RETREG1: variants seen among roughly 807,000 people sequenced by gnomAD.
RETREG1 encodes reticulophagy regulator 1, also known as family with sequence similarity 134 member B.
RETREG1 carries 44 observed loss-of-function variants against 54.8 expected under a neutral mutation model. That is an observed-to-expected ratio of 0.80 (90% CI 0.63 to 1.03). The LOEUF is 1.03. Ranked by LOEUF, RETREG1 falls within the 50% of genes least tolerant of loss-of-function variation. The probability of loss-of-function intolerance (pLI) is 0.00; values close to 1 mark genes in which losing one functional copy is unlikely to be tolerated. For missense variants in RETREG1, 554 were observed against 605.1 expected, an observed-to-expected ratio of 0.92 and a Z score of 0.89; for synonymous variants, 217 against 238.5, an observed-to-expected ratio of 0.91 and a Z score of 0.83.
chr5:16,478,743 T>C, intron 6 of RETREG1, 107 bp downstream of exon 6: 1 of 1,038,752 alleles, frequency 9.6e-7, no homozygotes, highest in Non-Finnish European at 1.5e-6. Flanking sequence ...TATAATAATA[T>C]TTAGTAAAAA....
intron 8 of RETREG1, among the ~76,000 whole-genome samples, chr5:16,476,272 C>A (rs1338339116): frequency 2.6e-5 from 4 of 152,134 alleles, no homozygotes; most frequent in African/African-American, 9.7e-5. Context: ...CAGCCTCCCT[C>A]CCTCCTTCCT....
chr5:16,504,632 G>A (rs917067433), intron 3 of RETREG1, among the ~76,000 whole-genome samples: 2 of 152,024 alleles, frequency 1.3e-5, no homozygotes, highest in African/African-American at 4.8e-5. Context: ...CCGGGGTATC[G>A]CCAGCACATA....
At chr5:16,558,654 C>T (rs1196966911) in intron 3 of RETREG1, among the ~76,000 whole-genome samples, 1 of 152,146 alleles carries the variant, frequency 6.6e-6, no homozygotes, top group Non-Finnish European at 1.5e-5. Context: ...GGTCCAGGTA[C>T]AAGATTATAA....
chr5:16,518,396 G>A (rs558413472), intron 3 of RETREG1, among the ~76,000 whole-genome samples: 61 of 151,494 alleles, frequency 4.0e-4, no homozygotes, highest in African/African-American at 1.4e-3. Context: ...AGGGAAGGGA[G>A]GAGAGGAGAA....
chr5:16,473,399 ATAAT>A lies in RETREG1; in HGVS notation c.*1338_*1341del, dbSNP rs1415284158. The A allele has an allele frequency of 6.6e-6, 1 of 152,622 alleles. No individual in the cohort carries two copies. 9.5% of individuals were successfully genotyped at this position (152,622 alleles called of 1,614,324 possible). A position where few individuals can be genotyped will look rare whatever the true frequency, so the allele number is the denominator to read the frequency against. On this transcript the variant is annotated 3_prime_UTR_variant, in exon 9 of 9. Transcript: ENST00000306320. ...GCTACATTAAAATGTCAGATTACTT[ATAAT>A]TAGTCTTTAGAAATATAAGGGATAA...
rs759722771 is a variant in RETREG1, at chr5:16,506,480, T to TG, written c.459-23009_459-23008insC. 3.6e-5 allele frequency among the ~76,000 whole-genome samples: 3 copies of TG among 84,152 alleles called. No homozygotes were observed. In the East Asian group the frequency reaches 5.9e-4, roughly 16 times the overall value. 55.2% of individuals were successfully genotyped at this position (84,152 alleles called of 152,430 possible). Reference sequence around the variant, plus strand: ...ATTGCAATCTTTTTGTTTTTTTGTTTTTTTTTTTTTTGAGACAGGGTCTTA... The same window carrying TG: ...ATTGCAATCTTTTTGTTTTTTTGTTTGTTTTTTTTTTTGAGACAGGGTCTTA... On this transcript the variant is annotated intron_variant, in intron 3 of 8. Transcript: ENST00000306320.
chr5:16,482,823 A>C (rs1249714039), intron 4 of RETREG1, among the ~76,000 whole-genome samples: 2 of 152,064 alleles, frequency 1.3e-5, no homozygotes, highest in African/African-American at 2.4e-5. Context: ...CTTCCCCCTC[A>C]TGGGTTTTAT....
chr5:16,566,537 T>C (rs1468808751), intron 2 of RETREG1, among the ~76,000 whole-genome samples: 1 of 152,248 alleles, frequency 6.6e-6, no homozygotes, highest in African/African-American at 2.4e-5. Flanking sequence ...GCATTTTCCA[T>C]CTAACAAAAA....
intron 3 of RETREG1, among the ~76,000 whole-genome samples, chr5:16,516,945 G>A (rs1740376084): frequency 2.0e-5 from 1 of 50,378 alleles, no homozygotes; most frequent in Non-Finnish European, 5.1e-5. Flanking sequence ...CAAGAAAAAA[G>A]TAAATGAAAA....
At chr5:16,591,062 TA>T (rs1742760397) in intron 1 of RETREG1, among the ~76,000 whole-genome samples, 1 of 151,848 alleles carries the variant, frequency 6.6e-6, no homozygotes, top group Admixed American at 6.6e-5. Context: ...TAGCACAGAA[TA>T]AATATAAAAA....
At chr5:16,547,744 C>T (rs1045332744) in intron 3 of RETREG1, among the ~76,000 whole-genome samples, 8 of 152,114 alleles carry the variant, frequency 5.3e-5, no homozygotes, top group East Asian at 1.9e-4. Context: ...TATGTGAACA[C>T]GCACACATAT....
At chr5:16,607,545 C>T (rs1579726956) in intron 1 of RETREG1, among the ~76,000 whole-genome samples, 1 of 151,902 alleles carries the variant, frequency 6.6e-6, no homozygotes, top group African/African-American at 2.4e-5. Context: ...ACCCAGGAGG[C>T]GGAGACTGCA....
intron 1 of RETREG1, among the ~76,000 whole-genome samples, chr5:16,573,055 C>T (rs530689424): frequency 3.0e-4 from 46 of 151,830 alleles, no homozygotes; most frequent in African/African-American, 9.9e-4. Context: ...TGGTGGCGTG[C>T]GCCTGCAGTC....
intron 3 of RETREG1, among the ~76,000 whole-genome samples, chr5:16,541,572 A>G (rs1403963668): frequency 1.3e-5 from 2 of 152,158 alleles, no homozygotes; most frequent in Non-Finnish European, 2.9e-5. Flanking sequence ...CTGTAACCCC[A>G]GCTACTCAGG....
At chr5:16,538,765 C>T (rs1741152290) in intron 3 of RETREG1, among the ~76,000 whole-genome samples, 1 of 151,684 alleles carries the variant, frequency 6.6e-6, no homozygotes. Context: ...AGTGCAGTGG[C>T]ACGATCTCGG....
chr5:16,559,465 AC>A (rs1741797473), intron 3 of RETREG1, among the ~76,000 whole-genome samples: 1 of 152,154 alleles, frequency 6.6e-6, no homozygotes, highest in South Asian at 2.1e-4. Context: ...CAGAGAGCAC[AC>A]CGCTAGGGGC....
At chr5:16,488,084 T>C (rs1238291884) in intron 3 of RETREG1, among the ~76,000 whole-genome samples, 1 of 151,156 alleles carries the variant, frequency 6.6e-6, no homozygotes, top group Non-Finnish European at 1.5e-5. Context: ...GTGTCCTAGA[T>C]GATGCTGAGG....
intron 1 of RETREG1, among the ~76,000 whole-genome samples, chr5:16,595,191 C>T (rs1321443353): frequency 6.6e-6 from 1 of 152,128 alleles, no homozygotes; most frequent in Non-Finnish European, 1.5e-5. Flanking sequence ...TACACGAGGC[C>T]CCCTAAACCT....
At chr5:16,489,443 T>C (rs887102091) in intron 3 of RETREG1, among the ~76,000 whole-genome samples, 2 of 152,158 alleles carry the variant, frequency 1.3e-5, no homozygotes, top group African/African-American at 4.8e-5. Context: ...GACTAAGAAA[T>C]AGGACACTCT....
Sources: gnomAD v4.1 joint callset for allele counts (sites outside exome capture counted in the v4.1 genomes callset) on GRCh38, gnomAD v4.1.1 for gene constraint, MANE v1.5 for transcripts, NCBI Gene and HGNC (gene_info 2026-07-23, HGNC 2026-07-21) for gene names.